ACOXL: variants seen among roughly 807,000 people sequenced by gnomAD.
ACOXL encodes acyl-CoA oxidase like.
ACOXL carries 70 observed loss-of-function variants against 71.9 expected under a neutral mutation model. The observed-to-expected ratio is 0.97, with a 90% confidence interval of 0.80 to 1.19. ACOXL has a LOEUF of 1.19. Among genes scored for constraint, ACOXL ranks in the 50% most tolerant of loss-of-function variants. The probability of loss-of-function intolerance (pLI) is 0.00; values close to 1 mark genes in which losing one functional copy is unlikely to be tolerated. For synonymous variants in ACOXL, 253 were observed against 281.6 expected (o/e 0.90, Z 1.02); for missense variants, 703 against 736.3 (o/e 0.95, Z 0.52).
intron 14 of ACOXL, among the ~76,000 whole-genome samples, chr2:111,015,808 C>T (rs2064396884): frequency 6.6e-6 from 1 of 152,120 alleles, no homozygotes; most frequent in South Asian, 2.1e-4. Context: ...TAAACTGCTG[C>T]CACATGGAAC....
intron 7 of ACOXL, 143 bp downstream of exon 7, chr2:110,799,243 C>A: frequency 1.3e-6 from 1 of 744,356 alleles, no homozygotes; most frequent in South Asian, 1.6e-5. Flanking sequence ...GATTTTGAAG[C>A]CTCATGAAGT....
intron 9 of ACOXL, 110 bp downstream of exon 9, chr2:110,805,505 G>T (rs1419702950): frequency 6.8e-7 from 1 of 1,467,888 alleles, no homozygotes; most frequent in African/African-American, 1.4e-5. Context: ...GGTATAATAT[G>T]GCCAGGGTTC....
At chr2:110,787,396 T>C (rs1324245989) in intron 3 of ACOXL, among the ~76,000 whole-genome samples, 1 of 151,450 alleles carries the variant, frequency 6.6e-6, no homozygotes, top group African/African-American at 2.4e-5. Context: ...TAGCCGGGCG[T>C]GGTGGCAGAC....
rs55751209 is a variant in ACOXL, at chr2:111,106,062, C to T, written c.1543-11554C>T. Among the ~76,000 whole-genome samples, 821 of 152,280 alleles carry T rather than the reference C, an allele frequency of 5.4e-3. 5 individuals carry two copies. Among genetic ancestry groups the T allele is most frequent in the African/African-American group, 0.018 (735 of 41,552 alleles). ...TGTTGCTTTATCTCTTTTGCCAAAT[C>T]TGGGGAGTTTTCAGCCAATTTTTCA... On this transcript the variant is annotated intron_variant, in intron 17 of 17. Coordinates refer to ENST00000439055, the MANE Select transcript of ACOXL (RefSeq NM_001142807.4).
At chr2:110,863,886 G>A (rs958153320) in intron 10 of ACOXL, among the ~76,000 whole-genome samples, 2 of 152,194 alleles carry the variant, frequency 1.3e-5, no homozygotes, top group Non-Finnish European at 2.9e-5. Context: ...AGCAAATACA[G>A]GCATTACTGC....
At chr2:110,905,683 T>C (rs1301119426) in intron 10 of ACOXL, among the ~76,000 whole-genome samples, 1 of 152,168 alleles carries the variant, frequency 6.6e-6, no homozygotes, top group Admixed American at 6.5e-5. Flanking sequence ...GAAAGGGCTC[T>C]GGCGTCCTCA....
At chr2:110,735,263 C>A (rs1676685531) in intron 1 of ACOXL, among the ~76,000 whole-genome samples, 1 of 152,152 alleles carries the variant, frequency 6.6e-6, no homozygotes, top group Non-Finnish European at 1.5e-5. Flanking sequence ...TTAACATTCT[C>A]CTAATGTAAA....
chr2:110,963,690 G>A (rs1436842670), intron 12 of ACOXL: 2 of 1,613,672 alleles, frequency 1.2e-6, no homozygotes, highest in African/African-American at 2.7e-5. Flanking sequence ...CACTTTTGAA[G>A]GTGACGATGT....
At chr2:111,056,101 A>G (rs1050670819) in intron 16 of ACOXL, among the ~76,000 whole-genome samples, 1 of 152,042 alleles carries the variant, frequency 6.6e-6, no homozygotes, top group African/African-American at 2.4e-5. Context: ...TTTGGAGGCT[A>G]AGGCAGGAGC....
intron 12 of ACOXL, among the ~76,000 whole-genome samples, chr2:110,949,560 C>G (rs1367145230): frequency 6.6e-6 from 1 of 152,152 alleles, no homozygotes; most frequent in African/African-American, 2.4e-5. Context: ...TTTACAAAGA[C>G]AGACGATAAA....
chr2:111,000,688 G>T (rs142523398), intron 14 of ACOXL, among the ~76,000 whole-genome samples: 9 of 152,108 alleles, frequency 5.9e-5, no homozygotes, highest in Non-Finnish European at 1.2e-4. Flanking sequence ...GCTTGCAGCC[G>T]CATCTCTCCA....
intron 7 of ACOXL, among the ~76,000 whole-genome samples, chr2:110,799,699 C>A (rs1453298144): frequency 6.6e-6 from 1 of 152,170 alleles, no homozygotes; most frequent in Non-Finnish European, 1.5e-5. Flanking sequence ...TTCTGTCTTA[C>A]AAGAGGATTG....
chr2:110,929,094 A>G (rs2060387779), intron 11 of ACOXL, among the ~76,000 whole-genome samples: 1 of 152,226 alleles, frequency 6.6e-6, no homozygotes, highest in Admixed American at 6.5e-5. Flanking sequence ...AGTGACTTTG[A>G]AACTGGGTAA....
intron 16 of ACOXL, among the ~76,000 whole-genome samples, chr2:111,079,955 G>T (rs540525336): frequency 8.4e-4 from 128 of 152,014 alleles, no homozygotes; most frequent in African/African-American, 2.9e-3. Context: ...TCTTGGGAGG[G>T]TGTATGTGTC....
At chr2:111,007,821 A>G (rs533469538) in intron 14 of ACOXL, among the ~76,000 whole-genome samples, 3 of 152,336 alleles carry the variant, frequency 2.0e-5, no homozygotes, top group South Asian at 4.1e-4. Context: ...ACAGATCTGT[A>G]TGCACGTATA....
At chr2:110,832,058 G>A (rs1026198336) in intron 9 of ACOXL, among the ~76,000 whole-genome samples, 2 of 152,200 alleles carry the variant, frequency 1.3e-5, no homozygotes, top group African/African-American at 4.8e-5. Flanking sequence ...TCATCCAGGT[G>A]AGAATGGACA....
chr2:110,916,491 A>G (rs1423106039), intron 11 of ACOXL, among the ~76,000 whole-genome samples: 2 of 152,180 alleles, frequency 1.3e-5, no homozygotes, highest in African/African-American at 4.8e-5. Flanking sequence ...TAACATCACA[A>G]TTAAAAGAAG....
At chr2:111,023,464 T>G (rs549118858) in intron 14 of ACOXL, among the ~76,000 whole-genome samples, 1 of 152,274 alleles carries the variant, frequency 6.6e-6, no homozygotes, top group African/African-American at 2.4e-5. Flanking sequence ...ATGGGATTTT[T>G]TGATTACAGG....
chr2:110,785,898 G>A (rs542283361), intron 3 of ACOXL, among the ~76,000 whole-genome samples: 70 of 152,242 alleles, frequency 4.6e-4, no homozygotes, highest in African/African-American at 1.5e-3. Context: ...GCATGTAATC[G>A]GATCCTGTGG....
Sources: gnomAD v4.1 joint callset for allele counts (sites outside exome capture counted in the v4.1 genomes callset) on GRCh38, gnomAD v4.1.1 for gene constraint, MANE v1.5 for transcripts, NCBI Gene and HGNC (gene_info 2026-07-23, HGNC 2026-07-21) for gene names.